The following SHANK2 variants were observed in gnomAD, a reference collection of about 807,000 sequenced individuals.
SHANK2 encodes the protein SH3 and multiple ankyrin repeat domains protein 2.
SHANK2 carries 43 observed loss-of-function variants against 133.7 expected under a neutral mutation model. The ratio of observed to expected loss-of-function variants is 0.32; its 90% CI spans 0.25 to 0.41. The LOEUF is 0.41. Among genes scored for constraint, SHANK2 ranks in the 10% least tolerant of loss-of-function variants. SHANK2 has a pLI of 1.00. For synonymous variants in SHANK2, 1,017 were observed against 952.8 expected, an observed-to-expected ratio of 1.07 and a Z score of -1.24; for missense variants, 1,994 against 2,235.8, an observed-to-expected ratio of 0.89 and a Z score of 2.18.
At chr11:70,890,713 C>T (rs1555074470) in intron 11 of SHANK2, among the ~76,000 whole-genome samples, 2 of 151,200 alleles carry the variant, frequency 1.3e-5, no homozygotes, top group Non-Finnish European at 2.9e-5. Context: ...GCAGGAGAAT[C>T]GCTTGAACCC....
At position 70,485,484 on chromosome 11, in the gene SHANK2, C is replaced by G; in HGVS notation, c.4809G>C (p.Lys1603Asn). The G allele has an allele frequency of 1.2e-6, 2 of 1,613,822 alleles. No homozygotes were observed. ...MAKVLQPRTS[K>N]LWGDVTEIKS... ...TGATCTCTGTGACGTCGCCCCACAA[C>G]TTGGAGGTCCTTGGCTGGAGAACCT... The change falls in exon 25 of 26, where the codon AAG (lysine) becomes AAC (asparagine). Residue 1603 changes from lysine to asparagine, a missense_variant. Lys to Asn is a moderately conservative substitution (Grantham distance 94). This residue lies in a region of SHANK2 where 797 missense variants were observed against 907.4 expected (regional missense o/e 0.88). Transcript: ENST00000601538. This position sits in a 1 kb window ranked among gnomAD's most constrained non-coding sequence, Gnocchi z 5.8.
intron 14 of SHANK2, among the ~76,000 whole-genome samples, chr11:70,788,213 C>A (rs1947711573): frequency 6.6e-6 from 1 of 152,134 alleles, no homozygotes; most frequent in Admixed American, 6.5e-5. Flanking sequence ...TGGATGAGGA[C>A]TTTCCTCATT....
At chr11:70,564,752 T>C (rs2059947979) in intron 17 of SHANK2, among the ~76,000 whole-genome samples, 1 of 152,236 alleles carries the variant, frequency 6.6e-6, no homozygotes, top group Non-Finnish European at 1.5e-5. Context: ...TATTACTTTA[T>C]AACATTTAAT....
intron 14 of SHANK2, among the ~76,000 whole-genome samples, chr11:70,783,985 G>A (rs565173026): frequency 6.6e-6 from 1 of 152,260 alleles, no homozygotes; most frequent in African/African-American, 2.4e-5. Context: ...GACTCAGGGG[G>A]TGTGAGACAC....
At chr11:71,232,527 T>C (rs1315730927) in intron 1 of SHANK2, among the ~76,000 whole-genome samples, 3 of 151,774 alleles carry the variant, frequency 2.0e-5, no homozygotes, top group Non-Finnish European at 2.9e-5. Flanking sequence ...CCCCTTCTCC[T>C]CCTCCTCCTC....
intron 10 of SHANK2, among the ~76,000 whole-genome samples, chr11:70,931,127 T>A (rs939726914): frequency 1.3e-5 from 2 of 152,174 alleles, no homozygotes; most frequent in Admixed American, 1.3e-4. Context: ...CACAGCCACA[T>A]GTTACATGAT....
In SHANK2 at chr11:70,489,311, C is replaced by T. The variant is rs782648831; in HGVS notation, c.2572+17G>A. On this transcript the variant is annotated intron_variant, in intron 24 of 25. Coordinates refer to ENST00000601538, the MANE Select transcript of SHANK2 (RefSeq NM_012309.5). ...TTACATTCAGATTACAGATTCCAAACCGTAAGGTTCACTAACCTGATAGAA... is the reference window on the plus strand; with the variant it reads ...TTACATTCAGATTACAGATTCCAAATCGTAAGGTTCACTAACCTGATAGAA... The T allele has an allele frequency of 6.2e-7, 1 of 1,612,086 alleles. No individual in the cohort carries two copies. Among genetic ancestry groups the T allele is most frequent in the Non-Finnish European group, 8.5e-7 (1 of 1,178,106 alleles).
intron 11 of SHANK2, among the ~76,000 whole-genome samples, chr11:70,832,532 G>A (rs1192479479): frequency 6.6e-6 from 1 of 152,200 alleles, no homozygotes; most frequent in Non-Finnish European, 1.5e-5. Context: ...CCTGCACACT[G>A]GCAGTGATCC....
chr11:70,692,211 C>A (rs1172047387), intron 15 of SHANK2, among the ~76,000 whole-genome samples: 1 of 152,212 alleles, frequency 6.6e-6, no homozygotes, highest in East Asian at 1.9e-4. Context: ...TCAGTTCTTA[C>A]AACCTACACA....
intron 17 of SHANK2, among the ~76,000 whole-genome samples, chr11:70,597,568 T>C (rs188115901): frequency 1.3e-5 from 2 of 152,246 alleles, no homozygotes; most frequent in Non-Finnish European, 2.9e-5. Flanking sequence ...TGAGCAGGCA[T>C]ATCAGAAAAT....
At chr11:70,716,855 G>C (rs1450550906) in intron 14 of SHANK2, among the ~76,000 whole-genome samples, 1 of 151,902 alleles carries the variant, frequency 6.6e-6, no homozygotes, top group Non-Finnish European at 1.5e-5. Context: ...GATGCTCCTC[G>C]GTGGCAGGCG....
chr11:70,796,719 G>A (rs532588063), intron 14 of SHANK2, among the ~76,000 whole-genome samples: 8 of 152,128 alleles, frequency 5.3e-5, no homozygotes, highest in Admixed American at 2.0e-4. Flanking sequence ...TGTAAATCCC[G>A]TGTGGTCTAC....
intron 13 of SHANK2, among the ~76,000 whole-genome samples, chr11:70,806,213 G>A (rs1205337912): frequency 6.6e-6 from 1 of 152,140 alleles, no homozygotes; most frequent in Non-Finnish European, 1.5e-5. Context: ...CCAATGGCAG[G>A]GCCCGGCATG....
At chr11:70,715,153 C>T (rs1187903111) in intron 14 of SHANK2, among the ~76,000 whole-genome samples, 1 of 152,126 alleles carries the variant, frequency 6.6e-6, no homozygotes, top group Non-Finnish European at 1.5e-5. Context: ...GAGTGGTGCC[C>T]TGTAGATAAT....
chr11:70,948,025 C>G (rs546464516), intron 10 of SHANK2, among the ~76,000 whole-genome samples: 1 of 152,256 alleles, frequency 6.6e-6, no homozygotes, highest in South Asian at 2.1e-4. Context: ...TTCCCACACA[C>G]CCCAGGCATG....
intron 10 of SHANK2, among the ~76,000 whole-genome samples, chr11:70,917,753 A>C (rs2135748160): frequency 6.6e-6 from 1 of 152,342 alleles, no homozygotes; most frequent in South Asian, 2.1e-4. Flanking sequence ...CTAATGCAGA[A>C]ACAGGAAACC....
In SHANK2 at chr11:70,843,576, C is replaced by T. The variant is rs570630167; in HGVS notation, c.1175-22894G>A. Among the ~76,000 whole-genome samples, 414 of 151,982 alleles carry T rather than the reference C, an allele frequency of 2.7e-3. 3 individuals are homozygous for T. The highest frequency in any genetic ancestry group is 9.3e-3 in the African/African-American group (387 of 41,442). On this transcript the variant is annotated intron_variant, in intron 11 of 25. Transcript: ENST00000601538. ...GAAGAAGAGGAGATGAGGACAAAGA[C>T]GCACAGAGAGACGACCCTGTGAGGT...
At chr11:70,633,143 G>A (rs2134099520) in intron 17 of SHANK2, among the ~76,000 whole-genome samples, 2 of 150,190 alleles carry the variant, frequency 1.3e-5, no homozygotes, top group South Asian at 4.2e-4. Context: ...TATATATTAT[G>A]TATGTTATAT....
At chr11:70,861,627 C>T (rs568717734) in intron 11 of SHANK2, among the ~76,000 whole-genome samples, 20 of 152,262 alleles carry the variant, frequency 1.3e-4, no homozygotes, top group Middle Eastern at 3.4e-3. Flanking sequence ...GCCTCCTCTA[C>T]GAGCCAGTTA....
Sources: allele counts gnomAD v4.1 joint callset (sites outside exome capture counted in the v4.1 genomes callset), GRCh38; gene constraint gnomAD v4.1.1; regional missense constraint gnomAD v4.1.1; non-coding constraint Gnocchi (gnomAD v3.1); transcripts MANE v1.5; gene names NCBI Gene and HGNC (gene_info 2026-07-23, HGNC 2026-07-21).